Variants in FHIT observed in about 807,000 individuals in gnomAD.
FHIT encodes the protein fragile histidine triad diadenosine triphosphatase.
A neutral mutation model predicts 17.9 loss-of-function variants in FHIT; 19 were observed. The ratio of observed to expected loss-of-function variants is 1.06; its 90% confidence interval spans 0.74 to 1.56. FHIT has a LOEUF of 1.56. Among genes scored for constraint, FHIT ranks in the 40% most tolerant of loss-of-function variants. FHIT has a pLI of 0.00. For synonymous variants in FHIT, 81 were observed against 69.7 expected (o/e 1.16, Z -0.81); for missense variants, 248 against 189.2 (o/e 1.31, Z -1.82).
At chr3:60,458,257 A>C in intron 5 of FHIT, among the ~76,000 whole-genome samples, 1 of 152,164 alleles carries the variant, frequency 6.6e-6, no homozygotes, top group East Asian at 1.9e-4. Flanking sequence ...GCAGCCATAA[A>C]AATGATGAGT....
At chr3:60,446,204 G>C (rs1457342503) in intron 5 of FHIT, among the ~76,000 whole-genome samples, 1 of 152,068 alleles carries the variant, frequency 6.6e-6, no homozygotes. Context: ...AATGCCAATT[G>C]GGGCATCATT....
chr3:61,028,900 A>C (rs1435896168), intron 3 of FHIT, among the ~76,000 whole-genome samples: 1 of 150,468 alleles, frequency 6.6e-6, no homozygotes, highest in Non-Finnish European at 1.5e-5. Context: ...AAAAAAAAAA[A>C]GAAAAAAAAA....
chr3:60,891,816 G>A (rs574876501), intron 3 of FHIT, among the ~76,000 whole-genome samples: 95 of 152,176 alleles, frequency 6.2e-4, no homozygotes, highest in Admixed American at 1.0e-3. Flanking sequence ...GTACCCGGGC[G>A]TTAAGACAAC....
chr3:60,260,768 A>T (rs1358529866), intron 5 of FHIT, among the ~76,000 whole-genome samples: 1 of 152,074 alleles, frequency 6.6e-6, no homozygotes, highest in East Asian at 1.9e-4. Flanking sequence ...ATCACCTGAT[A>T]AAACAAGATG....
chr3:60,377,963 C>T (rs1265852451), intron 5 of FHIT, among the ~76,000 whole-genome samples: 6 of 152,078 alleles, frequency 3.9e-5, no homozygotes, highest in East Asian at 3.9e-4. Context: ...ATATGTTAGA[C>T]GAAAGCTCAT....
intron 8 of FHIT, among the ~76,000 whole-genome samples, chr3:59,790,697 G>C (rs1395806148): frequency 1.3e-5 from 2 of 152,024 alleles, no homozygotes; most frequent in African/African-American, 4.8e-5. Context: ...TACGCACTTA[G>C]GAAAAGGATA....
chr3:60,826,222 G>A (rs973546828), intron 3 of FHIT, among the ~76,000 whole-genome samples: 2 of 150,340 alleles, frequency 1.3e-5, no homozygotes. Context: ...AAGAAGGAAG[G>A]AAGGGAGTTA....
intron 5 of FHIT, among the ~76,000 whole-genome samples, chr3:60,281,121 A>G (rs903212229): frequency 1.5e-5 from 1 of 66,038 alleles, no homozygotes; most frequent in Admixed American, 1.7e-4. Flanking sequence ...AAAATAAAAC[A>G]CATAGATGTA....
intron 5 of FHIT, among the ~76,000 whole-genome samples, chr3:60,362,071 A>AT (rs1699928168): frequency 6.6e-6 from 1 of 151,604 alleles, no homozygotes; most frequent in Non-Finnish European, 1.5e-5. Context: ...TAATACTGAG[A>AT]TTTAAAAAAA....
intron 5 of FHIT, among the ~76,000 whole-genome samples, chr3:60,042,741 G>A (rs1189574385): frequency 2.0e-5 from 3 of 151,942 alleles, no homozygotes; most frequent in Middle Eastern, 3.4e-3. Context: ...TTCTTTGCAA[G>A]GGATACAATT....
intron 4 of FHIT, among the ~76,000 whole-genome samples, chr3:60,621,144 ATTTTTTTT>A (rs11370683): frequency 3.2e-5 from 3 of 95,090 alleles, no homozygotes; most frequent in African/African-American, 1.4e-4. Flanking sequence ...TCTACTTTTG[ATTTTTTTT>A]TTTTTTTTTT....
intron 2 of FHIT, among the ~76,000 whole-genome samples, chr3:61,130,410 A>G (rs899736450): frequency 6.6e-6 from 1 of 152,084 alleles, no homozygotes; most frequent in Non-Finnish European, 1.5e-5. Flanking sequence ...ACATTCTTAC[A>G]ATTTCCCCAA....
intron 4 of FHIT, among the ~76,000 whole-genome samples, chr3:60,545,154 G>T (rs372932003): frequency 6.7e-6 from 1 of 148,782 alleles, no homozygotes; most frequent in African/African-American, 2.5e-5. Context: ...ACATAATACT[G>T]GTAAAAACTT....
intron 5 of FHIT, among the ~76,000 whole-genome samples, chr3:60,434,124 C>A (rs1385895835): frequency 6.6e-6 from 1 of 152,070 alleles, no homozygotes; most frequent in East Asian, 1.9e-4. Flanking sequence ...TTTATTATAC[C>A]ATATTCAACC....
intron 8 of FHIT, among the ~76,000 whole-genome samples, chr3:59,873,152 C>T (rs749624996): frequency 1.3e-5 from 2 of 152,168 alleles, no homozygotes; most frequent in Non-Finnish European, 2.9e-5. Context: ...TACAGTGCCC[C>T]TCACTTGTTT....
intron 4 of FHIT, among the ~76,000 whole-genome samples, chr3:60,774,030 T>A (rs981178410): frequency 6.6e-6 from 1 of 152,202 alleles, no homozygotes; most frequent in Admixed American, 6.5e-5. Flanking sequence ...CTTTGATGGA[T>A]GAGCTTAAGG....
intron 3 of FHIT, among the ~76,000 whole-genome samples, chr3:60,859,723 ATTTTTTTTTTTTTTTTTTTTTT>A (rs71092647): frequency 1.3e-3 from 66 of 51,928 alleles, no homozygotes; most frequent in African/African-American, 3.6e-3. Context: ...TCTGAATACG[ATTTTTTTTTTTTTTTTTTTTTT>A]TTTTTTTTTT....
intron 5 of FHIT, among the ~76,000 whole-genome samples, chr3:60,512,079 A>G (rs2034970908): frequency 6.6e-6 from 1 of 152,198 alleles, no homozygotes; most frequent in South Asian, 2.1e-4. Context: ...AACATCTTAT[A>G]TATCCCATAT....
chr3:60,901,741 G>A (rs1399405519), intron 3 of FHIT, among the ~76,000 whole-genome samples: 1 of 152,060 alleles, frequency 6.6e-6, no homozygotes, highest in Non-Finnish European at 1.5e-5. Context: ...TCTAGAGAAA[G>A]AGATGGGATT....
Sources: gnomAD v4.1 joint callset for allele counts (sites outside exome capture counted in the v4.1 genomes callset) on GRCh38, gnomAD v4.1.1 for gene constraint, MANE v1.5 for transcripts, NCBI Gene and HGNC (gene_info 2026-07-23, HGNC 2026-07-21) for gene names.